AGBL1: variants seen among roughly 807,000 people sequenced by gnomAD.
AGBL1 encodes the protein cytosolic carboxypeptidase 4.
Under a neutral mutation model 118.9 loss-of-function variants are expected in AGBL1, and 130 were observed. The observed-to-expected ratio is 1.09, with a 90% CI of 0.95 to 1.26. The LOEUF (loss-of-function observed/expected upper bound fraction) is 1.26. Among genes scored for constraint, AGBL1 ranks in the 50% most tolerant of loss-of-function variants. AGBL1 has a pLI of 0.00. For synonymous variants in AGBL1, 555 were observed against 478.9 expected (o/e 1.16, Z -2.08); for missense variants, 1,584 against 1,298.1 (o/e 1.22, Z -3.38).
chr15:86,360,002 C>A (rs889761365), intron 17 of AGBL1, among the ~76,000 whole-genome samples: 6 of 151,712 alleles, frequency 4.0e-5, no homozygotes, highest in Non-Finnish European at 8.8e-5. Flanking sequence ...TTACTTTTTC[C>A]TTTCTGATTT....
chr15:86,981,280 TTAA>T (rs991969579), intron 23 of AGBL1, among the ~76,000 whole-genome samples: 1 of 152,212 alleles, frequency 6.6e-6, no homozygotes, highest in Non-Finnish European at 1.5e-5. Context: ...TTAGTATATT[TTAA>T]TAATGTGCTT....
chr15:86,563,331 C>T lies in AGBL1; in HGVS notation c.2994+8794C>T, dbSNP rs1049443287. Among the ~76,000 whole-genome samples the T allele has an allele frequency of 7.0e-4, 106 of 152,254 alleles. 1 individual carries two copies. Among genetic ancestry groups the T allele is most frequent in the Non-Finnish European group, 1.0e-3 (68 of 68,024 alleles). On this transcript the variant is annotated intron_variant, in intron 21 of 22. Transcript: ENST00000614907. ...CTGCTTTAAATGTGTCCCAGAGATT[C>T]TGGTATGTTGTGTGTTTGTTCTCAT... is the stretch of plus-strand genomic sequence containing the variant.
At chr15:86,721,028 G>T (rs1354033113) in intron 22 of AGBL1, among the ~76,000 whole-genome samples, 1 of 152,058 alleles carries the variant, frequency 6.6e-6, no homozygotes, top group Non-Finnish European at 1.5e-5. Flanking sequence ...ATCAAAAAAA[G>T]TCCAGGACCA....
At chr15:86,145,355 C>A (rs2077018822) in intron 3 of AGBL1, among the ~76,000 whole-genome samples, 1 of 152,122 alleles carries the variant, frequency 6.6e-6, no homozygotes, top group Admixed American at 6.5e-5. Flanking sequence ...CCAAGGAAAA[C>A]CCTGAAACAT....
At chr15:86,960,809 T>C (rs976846206) in intron 23 of AGBL1, among the ~76,000 whole-genome samples, 1 of 151,998 alleles carries the variant, frequency 6.6e-6, no homozygotes, top group Non-Finnish European at 1.5e-5. Flanking sequence ...CTGAATGACA[T>C]TATGCTAAGT....
chr15:86,576,637 T>C (rs968862237), intron 21 of AGBL1, among the ~76,000 whole-genome samples: 1 of 152,230 alleles, frequency 6.6e-6, no homozygotes, highest in Non-Finnish European at 1.5e-5. Flanking sequence ...GGCAGTGATA[T>C]AGTTTGGCTG....
At chr15:86,986,853 G>A (rs527488380) in intron 23 of AGBL1, among the ~76,000 whole-genome samples, 4 of 152,242 alleles carry the variant, frequency 2.6e-5, no homozygotes, top group African/African-American at 7.2e-5. Context: ...TGTGAGCAAG[G>A]CTGTTTATTT....
At chr15:86,313,139 C>T (rs938393948) in intron 17 of AGBL1, among the ~76,000 whole-genome samples, 1 of 152,158 alleles carries the variant, frequency 6.6e-6, no homozygotes, top group African/African-American at 2.4e-5. Context: ...ACACTTTAGT[C>T]ATGGTAAGAA....
At chr15:86,718,106 A>G (rs959871535) in intron 22 of AGBL1, among the ~76,000 whole-genome samples, 1 of 152,136 alleles carries the variant, frequency 6.6e-6, no homozygotes, top group African/African-American at 2.4e-5. Context: ...TATTATAGAA[A>G]CAGGAGAAAA....
chr15:86,864,333 G>A (rs1051963633), intron 22 of AGBL1, among the ~76,000 whole-genome samples: 1 of 152,152 alleles, frequency 6.6e-6, no homozygotes, highest in Non-Finnish European at 1.5e-5. Flanking sequence ...ATACCTTGAA[G>A]CCTTGAGTTT....
In AGBL1 at chr15:86,680,565, C is replaced by CTTTT. The variant is rs34873609; in HGVS notation, c.3158+6146_3158+6149dup. 1.4e-3 allele frequency among the ~76,000 whole-genome samples: 135 copies of CTTTT among 94,688 alleles called. 2 individuals carry two copies. The highest frequency in any genetic ancestry group is 8.1e-3 in the Middle Eastern group (1 of 124). The allele number at this position is 94,688 out of a possible 152,430, so 62.1% of individuals were successfully genotyped here. A position where few individuals can be genotyped will look rare whatever the true frequency, so the allele number is the denominator to read the frequency against. On this transcript the variant is annotated intron_variant, in intron 22 of 22. Transcript: ENST00000614907. ...TCTTTTTTCTTTCTTTCTTTCTTTT[C>CTTTT]TTTTTTTTTTTTTTTTTTTTGAGAT...
At chr15:86,213,918 A>C (rs2078143237) in intron 5 of AGBL1, among the ~76,000 whole-genome samples, 1 of 150,414 alleles carries the variant, frequency 6.6e-6, no homozygotes, top group Non-Finnish European at 1.5e-5. Context: ...ATAACTTCCC[A>C]CTCCCCTTCC....
At chr15:86,356,370 A>G (rs1377985093) in intron 17 of AGBL1, among the ~76,000 whole-genome samples, 1 of 150,654 alleles carries the variant, frequency 6.6e-6, no homozygotes, top group African/African-American at 2.4e-5. Flanking sequence ...GTGCGCCCGC[A>G]CGCACGCGCA....
chr15:86,740,752 T>C (rs563347837), intron 22 of AGBL1, among the ~76,000 whole-genome samples: 2 of 152,296 alleles, frequency 1.3e-5, no homozygotes, highest in African/African-American at 4.8e-5. Context: ...ATCTTTTTAC[T>C]GGCAAAGATA....
chr15:86,580,828 G>T (rs1369779661), intron 21 of AGBL1, among the ~76,000 whole-genome samples: 2 of 152,152 alleles, frequency 1.3e-5, no homozygotes, highest in Admixed American at 1.3e-4. Flanking sequence ...TATAATTTTG[G>T]AACCACTTAT....
intron 17 of AGBL1, among the ~76,000 whole-genome samples, chr15:86,380,268 C>G (rs1478881301): frequency 6.8e-6 from 1 of 146,414 alleles, no homozygotes; most frequent in African/African-American, 2.6e-5. Flanking sequence ...TTTCTTCCTT[C>G]CTTCCTTCCT....
intron 24 of AGBL1, among the ~76,000 whole-genome samples, chr15:86,995,852 C>T (rs2081374934): frequency 6.6e-6 from 1 of 152,140 alleles, no homozygotes; most frequent in Non-Finnish European, 1.5e-5. Flanking sequence ...TAAGAATCTG[C>T]ATTGATCAGT....
intron 18 of AGBL1, among the ~76,000 whole-genome samples, chr15:86,441,934 G>A (rs2082069090): frequency 6.6e-6 from 1 of 152,204 alleles, no homozygotes; most frequent in Non-Finnish European, 1.5e-5. Flanking sequence ...GGAAAGTTAA[G>A]GTCATGCTTG....
intron 19 of AGBL1, among the ~76,000 whole-genome samples, chr15:86,536,385 A>G (rs1477644866): frequency 6.6e-6 from 1 of 152,114 alleles, no homozygotes; most frequent in African/African-American, 2.4e-5. Context: ...ATCTCAGTTC[A>G]CTGCAATTTC....
Sources: gnomAD v4.1 joint callset for allele counts (sites outside exome capture counted in the v4.1 genomes callset) on GRCh38, gnomAD v4.1.1 for gene constraint, MANE v1.5 for transcripts, NCBI Gene and HGNC (gene_info 2026-07-23, HGNC 2026-07-21) for gene names.